Variants in KCNIP4 observed in about 807,000 individuals in gnomAD.
KCNIP4 encodes the protein potassium voltage-gated channel interacting protein 4, also known as Kv channel-interacting protein 4.
A neutral mutation model predicts 34.0 loss-of-function variants in KCNIP4; 12 were observed. The ratio of observed to expected loss-of-function variants is 0.35; its 90% confidence interval spans 0.23 to 0.57. The LOEUF (loss-of-function observed/expected upper bound fraction) is 0.57. Ranked by LOEUF, KCNIP4 falls within the 20% of genes least tolerant of loss-of-function variation. The pLI, the probability that KCNIP4 is intolerant of heterozygous loss-of-function variation, is 0.83. For missense variants in KCNIP4, 238 were observed against 311.7 expected (o/e 0.76, Z 1.78); for synonymous variants, 124 against 102.2 (o/e 1.21, Z -1.29).
chr4:20,799,749 C>A (rs577463190), intron 3 of KCNIP4, among the ~76,000 whole-genome samples: 22 of 152,122 alleles, frequency 1.4e-4, no homozygotes, highest in Non-Finnish European at 2.9e-4. Context: ...CTATCTCATC[C>A]CTCAGATCCT....
intron 1 of KCNIP4, among the ~76,000 whole-genome samples, chr4:21,391,436 G>A (rs1722550024): frequency 1.3e-5 from 2 of 152,080 alleles, no homozygotes; most frequent in African/African-American, 4.8e-5. Context: ...GTGGCCACCT[G>A]AGCACACTGA....
intron 1 of KCNIP4, among the ~76,000 whole-genome samples, chr4:21,778,069 C>G (rs1414485526): frequency 2.6e-5 from 4 of 151,926 alleles, no homozygotes; most frequent in African/African-American, 9.7e-5. Flanking sequence ...CTGTCTTTAC[C>G]AGGTGAAACT....
chr4:21,222,673 A>G (rs1267750607), intron 1 of KCNIP4, among the ~76,000 whole-genome samples: 1 of 152,198 alleles, frequency 6.6e-6, no homozygotes, highest in Non-Finnish European at 1.5e-5. Context: ...TTGCTTAGAT[A>G]AGTCTTCCCT....
At position 20,803,915 on chromosome 4, in the gene KCNIP4, C is replaced by T. The variant is rs529393888; in HGVS notation, c.289-45025G>A. 2.0e-5 allele frequency among the ~76,000 whole-genome samples: 3 copies of T among 152,206 alleles called. No individual in the cohort carries two copies. In the South Asian group the frequency reaches 6.2e-4, roughly 32 times the overall value. On this transcript the variant is annotated intron_variant, in intron 3 of 8. Transcript: ENST00000382152. ...TGAATGGGCTCTGATGTTGAGTCTG[C>T]CATTTTCTAGCTGTGTGACTCTAAG...
chr4:21,427,001 G>C lies in KCNIP4; in HGVS notation c.61+521570C>G, dbSNP rs28671405. Among the ~76,000 whole-genome samples the C allele has an allele frequency of 2.7e-3, 412 of 150,586 alleles. 3 individuals carry two copies. Among genetic ancestry groups the C allele is most frequent in the African/African-American group, 9.5e-3 (388 of 40,950 alleles). ...TCATGACTTTTCTGTTCTCACAAATGCACCCCAACTCAGTCTCAGGGCAAG... is the reference window on the plus strand; with the variant it reads ...TCATGACTTTTCTGTTCTCACAAATCCACCCCAACTCAGTCTCAGGGCAAG... On this transcript the variant is annotated intron_variant, in intron 1 of 8. Transcript: ENST00000382152.
intron 1 of KCNIP4, among the ~76,000 whole-genome samples, chr4:21,902,193 A>G (rs971509928): frequency 6.6e-6 from 1 of 152,116 alleles, no homozygotes; most frequent in African/African-American, 2.4e-5. Context: ...GGTGTCATAT[A>G]AGATCTGGGA....
chr4:20,731,615 G>A (rs1017935292), intron 8 of KCNIP4: 1 of 984,968 alleles, frequency 1.0e-6, no homozygotes, highest in Admixed American at 6.2e-5. Flanking sequence ...CTGTTGTGAT[G>A]CCATACTTGG....
intron 1 of KCNIP4, among the ~76,000 whole-genome samples, chr4:21,451,742 C>T (rs1471238373): frequency 2.6e-5 from 4 of 152,014 alleles, no homozygotes; most frequent in African/African-American, 9.7e-5. Flanking sequence ...ATCAAAACTA[C>T]CTTAAGGTGG....
At chr4:20,764,163 T>C (rs183846742) in intron 3 of KCNIP4, among the ~76,000 whole-genome samples, 28 of 152,270 alleles carry the variant, frequency 1.8e-4, no homozygotes, top group Admixed American at 1.1e-3. Flanking sequence ...AGCAAATGAT[T>C]ATTCCATGAA....
intron 1 of KCNIP4, among the ~76,000 whole-genome samples, chr4:21,831,663 CAAA>C (rs141374886): frequency 5.5e-5 from 4 of 73,222 alleles, no homozygotes; most frequent in African/African-American, 1.2e-4. Context: ...CATTTTTCAT[CAAA>C]AAAAAAAAAA....
intron 1 of KCNIP4, among the ~76,000 whole-genome samples, chr4:21,405,818 G>A (rs968307293): frequency 2.6e-5 from 4 of 152,230 alleles, no homozygotes; most frequent in South Asian, 4.1e-4. Flanking sequence ...CTAGTGGCCT[G>A]TCATCTTTTA....
At chr4:20,869,147 A>C (rs1043221620) in intron 2 of KCNIP4, among the ~76,000 whole-genome samples, 6 of 152,120 alleles carry the variant, frequency 3.9e-5, no homozygotes, top group Non-Finnish European at 7.4e-5. Flanking sequence ...TAGTTATAAT[A>C]AATTTTTGCT....
chr4:21,568,495 G>A (rs1577610842), intron 1 of KCNIP4, among the ~76,000 whole-genome samples: 1 of 152,222 alleles, frequency 6.6e-6, no homozygotes, highest in Admixed American at 6.5e-5. Context: ...CAGTGGGCTG[G>A]GAGATGCAGA....
At chr4:21,171,776 G>A (rs1328637417) in intron 1 of KCNIP4, among the ~76,000 whole-genome samples, 2 of 152,298 alleles carry the variant, frequency 1.3e-5, no homozygotes, top group Admixed American at 1.3e-4. Context: ...TGACATGTGT[G>A]TGAGATCTTA....
chr4:21,807,338 G>A (rs184752203), intron 1 of KCNIP4, among the ~76,000 whole-genome samples: 17 of 152,236 alleles, frequency 1.1e-4, no homozygotes, highest in Non-Finnish European at 1.8e-4. Flanking sequence ...TGCATTAAAA[G>A]TCCAATTCTG....
rs941466045 is a variant in KCNIP4 at position 21,762,784 on chromosome 4, C to T, written c.61+185787G>A. 3 of 495,384 alleles carry T rather than the reference C, an allele frequency of 6.1e-6. No homozygotes were observed. In the African/African-American group the frequency reaches 6.1e-5, roughly 10 times the overall value. The allele number at this position is 495,384 out of a possible 1,614,324, so 30.7% of individuals were successfully genotyped here. ...CTCTTCCACGAGTCATCAAAACCAT[C>T]TTCCAGTCATGACTCTTCTTTATCT... On this transcript the variant is annotated intron_variant, in intron 1 of 8. Coordinates refer to ENST00000382152, the MANE Select transcript of KCNIP4 (RefSeq NM_025221.6).
At chr4:21,043,116 C>T (rs192610531) in intron 1 of KCNIP4, among the ~76,000 whole-genome samples, 91 of 152,186 alleles carry the variant, frequency 6.0e-4, no homozygotes, top group Admixed American at 1.5e-3. Flanking sequence ...CAAACAGTTA[C>T]GGGAGGTGTT....
intron 3 of KCNIP4, among the ~76,000 whole-genome samples, chr4:20,821,504 T>C (rs1375307546): frequency 2.0e-5 from 3 of 152,138 alleles, no homozygotes; most frequent in Non-Finnish European, 4.4e-5. Context: ...CCTTAAATAG[T>C]GTTTGAGGTA....
intron 1 of KCNIP4, among the ~76,000 whole-genome samples, chr4:20,977,692 A>G (rs1735624148): frequency 6.6e-6 from 1 of 152,234 alleles, no homozygotes. Context: ...TTCAGTGCCA[A>G]TCTGATTACA....
Sources: gnomAD v4.1 joint callset for allele counts (sites outside exome capture counted in the v4.1 genomes callset) on GRCh38, gnomAD v4.1.1 for gene constraint, MANE v1.5 for transcripts, NCBI Gene and HGNC (gene_info 2026-07-23, HGNC 2026-07-21) for gene names.